The following RNF32 variants were observed in gnomAD, a reference collection of about 807,000 sequenced individuals.
RNF32 encodes the protein ring finger protein 32.
Under a neutral mutation model 41.0 loss-of-function variants are expected in RNF32, and 36 were observed. The observed-to-expected ratio is 0.88, with a 90% CI of 0.67 to 1.16. The LOEUF is 1.16. Ranked by LOEUF, RNF32 falls within the 50% of genes most tolerant of loss-of-function variation. RNF32 has a pLI of 0.00. For synonymous variants in RNF32, 154 were observed against 160.9 expected (o/e 0.96, Z 0.32); for missense variants, 413 against 436.7 (o/e 0.95, Z 0.48).
chr7:156,663,852 C>T (rs1800978300), intron 7 of RNF32, among the ~76,000 whole-genome samples: 1 of 152,182 alleles, frequency 6.6e-6, no homozygotes, highest in Non-Finnish European at 1.5e-5. Context: ...AAATTGAGTT[C>T]ATTCATCTGA....
chr7:156,657,637 A>G (rs970564388), intron 5 of RNF32, 64 bp downstream of exon 5: 6 of 1,515,074 alleles, frequency 4.0e-6, no homozygotes, highest in African/African-American at 2.7e-5. Context: ...CAGAGAAACC[A>G]TAGTCATTTT....
chr7:156,676,705 C>A lies in RNF32; in HGVS notation c.*50C>A, dbSNP rs762861581. On this transcript the variant is annotated 3_prime_UTR_variant, in exon 9 of 9. Coordinates refer to ENST00000317955, the MANE Select transcript of RNF32 (RefSeq NM_030936.4). ...AATTCTGAGGAAAAAAGTTTACCAT[C>A]ATTTTGGATGAACTGCATGAGTTCT... is the stretch of plus-strand genomic sequence containing the variant. 37 of 1,408,138 alleles carry A rather than the reference C, an allele frequency of 2.6e-5. No homozygotes were observed. In the South Asian group the frequency reaches 4.0e-4, roughly 15 times the overall value. 87.2% of individuals were successfully genotyped at this position (1,408,138 alleles called of 1,614,324 possible). A position where few individuals can be genotyped will look rare whatever the true frequency, so the allele number is the denominator to read the frequency against.
Position 156,655,313 on chromosome 7 carries a change from G to A in RNF32, c.417+595G>A, listed in dbSNP as rs970208387. 5.4e-5 allele frequency among the ~76,000 whole-genome samples: 8 copies of A among 149,502 alleles called. No homozygotes were observed. In the East Asian group the frequency reaches 5.9e-4, roughly 11 times the overall value. ...ATATATAGAGAGAGAGAGAGAGAAT[G>A]CATATAGGGTTTTTTCTATACATAT... On this transcript the variant is annotated intron_variant, in intron 4 of 8. Coordinates refer to ENST00000317955, the MANE Select transcript of RNF32 (RefSeq NM_030936.4).
chr7:156,658,008 G>T, intron 5 of RNF32, 120 bp from the exon 6 acceptor site: 1 of 998,480 alleles, frequency 1.0e-6, no homozygotes, highest in Non-Finnish European at 1.5e-6. Flanking sequence ...AACCTAAATT[G>T]GGCTAAGTCT....
intron 7 of RNF32, among the ~76,000 whole-genome samples, chr7:156,672,563 A>C (rs910406392): frequency 3.3e-5 from 5 of 152,192 alleles, no homozygotes; most frequent in African/African-American, 1.2e-4. Context: ...AGTCCTAATG[A>C]TGCTGTCTTT....
chr7:156,643,955 C>A, intron 2 of RNF32, 63 bp downstream of exon 2: 1 of 1,440,632 alleles, frequency 6.9e-7, no homozygotes, highest in Non-Finnish European at 9.7e-7. Flanking sequence ...TTAATTCAGC[C>A]ATTTGAGAGT....
intron 1 of RNF32, among the ~76,000 whole-genome samples, chr7:156,641,645 G>C (rs1438380575): frequency 1.3e-5 from 2 of 152,198 alleles, no homozygotes; most frequent in Non-Finnish European, 2.9e-5. Context: ...CTCTTACCTT[G>C]ATATTAATGA....
intron 3 of RNF32, among the ~76,000 whole-genome samples, chr7:156,652,512 T>C (rs974843904): frequency 4.6e-5 from 7 of 152,198 alleles, no homozygotes; most frequent in Admixed American, 2.0e-4. Flanking sequence ...TATATGTTTT[T>C]CTGTGAGATT....
At chr7:156,656,711 CTG>C (rs1799728537) in intron 4 of RNF32, among the ~76,000 whole-genome samples, 1 of 152,252 alleles carries the variant, frequency 6.6e-6, no homozygotes, top group African/African-American at 2.4e-5. Flanking sequence ...GTGCCCCAGA[CTG>C]TGGTCACCCA....
chr7:156,649,203 T>TG (rs1206375565), intron 3 of RNF32, among the ~76,000 whole-genome samples: 2 of 152,144 alleles, frequency 1.3e-5, no homozygotes, highest in East Asian at 3.8e-4. Flanking sequence ...AAAATTCTGC[T>TG]GGAGATTTTT....
intron 8 of RNF32, 156 bp from the exon 9 acceptor site, chr7:156,676,263 A>G: frequency 6.5e-7 from 1 of 1,547,412 alleles, no homozygotes; most frequent in Non-Finnish European, 8.7e-7. Context: ...ATATGTATAT[A>G]TATAAATAAA....
rs1400861796 is a variant in RNF32, at chr7:156,669,136, C to T, written c.685-6560C>T. The T allele has an allele frequency of 6.6e-6, 1 of 152,128 alleles. No homozygotes were observed. Among genetic ancestry groups the T allele is most frequent in the Non-Finnish European group, 1.5e-5 (1 of 68,032 alleles). 9.4% of individuals were successfully genotyped at this position (152,128 alleles called of 1,614,324 possible). ...ACTTGGAGTTGTGTACTTTGTGAGCCTTCATTGTAAAGGGTGTGCTGACCA... is the reference window on the plus strand; with the variant it reads ...ACTTGGAGTTGTGTACTTTGTGAGCTTTCATTGTAAAGGGTGTGCTGACCA... On this transcript the variant is annotated intron_variant, in intron 7 of 8. Coordinates refer to ENST00000317955, the MANE Select transcript of RNF32 (RefSeq NM_030936.4). This position sits in a 1 kb window ranked among gnomAD's most constrained non-coding sequence, Gnocchi z 4.2.
At chr7:156,657,678 T>A (rs1799932981) in intron 5 of RNF32, 105 bp downstream of exon 5, 1 of 1,010,990 alleles carries the variant, frequency 9.9e-7, no homozygotes, top group African/African-American at 1.6e-5. Context: ...ATTTATTTTA[T>A]TCATCACCAC....
chr7:156,655,659 G>T (rs1286865354), intron 4 of RNF32, among the ~76,000 whole-genome samples: 1 of 152,158 alleles, frequency 6.6e-6, no homozygotes, highest in South Asian at 2.1e-4. Flanking sequence ...TCACTAATTT[G>T]AATTCATAAG....
At position 156,670,860 on chromosome 7, in the gene RNF32, A is replaced by G. The variant is rs1296660584; in HGVS notation, c.685-4836A>G. 6.6e-6 allele frequency among the ~76,000 whole-genome samples: 1 copy of G among 152,212 alleles called. No homozygotes were observed. The highest frequency in any genetic ancestry group is 1.9e-4 in the East Asian group (1 of 5,202). ...AAGGATGCCTTGCATGAGGAAGGAA[A>G]ATGGCCCCAGACGGGAAATCTGAGA... is the stretch of plus-strand genomic sequence containing the variant. On this transcript the variant is annotated intron_variant, in intron 7 of 8. Coordinates refer to ENST00000317955, the MANE Select transcript of RNF32 (RefSeq NM_030936.4). The surrounding 1 kb of genome is among the most constrained non-coding windows in gnomAD (Gnocchi z 4.3).
Position 156,658,178 on chromosome 7 carries a change from C to A in RNF32, c.501C>A (p.Leu167=). ...TCACAAATAAGAAAACCTGTCCTCT[C>A]TGTAGAAAGAACCAGTATCAAACCC... The part of the protein sequence containing the change: ...EKFTNKKTCP[L]CRKNQYQTRV... The change falls in exon 6 of 9, where the codon CTC becomes CTA. Residue 167 remains leucine (L), a synonymous_variant. Coordinates refer to ENST00000317955, the MANE Select transcript of RNF32 (RefSeq NM_030936.4). 1 of 1,614,124 alleles carries A rather than the reference C, an allele frequency of 6.2e-7. No individual in the cohort carries two copies. The highest frequency in any genetic ancestry group is 8.5e-7 in the Non-Finnish European group (1 of 1,179,948).
At chr7:156,653,519 C>G (rs1232325133) in intron 3 of RNF32, among the ~76,000 whole-genome samples, 1 of 152,306 alleles carries the variant, frequency 6.6e-6, no homozygotes, top group South Asian at 2.1e-4. Context: ...TTTCTGTACT[C>G]GAAAGTGTCC....
Position 156,640,791 on chromosome 7 carries a change from G to A in RNF32, c.-98G>A, listed in dbSNP as rs1797177904. ...AAAGGGGCAGACGTCCCTGGGTTCC[G>A]GTGTTCGCGGAGGAGTCGAGGCACG... On this transcript the variant is annotated 5_prime_UTR_variant, in exon 1 of 9. Coordinates refer to ENST00000317955, the MANE Select transcript of RNF32 (RefSeq NM_030936.4). The A allele has an allele frequency of 1.2e-5, 3 of 243,908 alleles. No homozygotes were observed. The highest frequency in any genetic ancestry group is 1.1e-4 in the South Asian group (3 of 27,674). The allele number at this position is 243,908 out of a possible 1,614,324, so 15.1% of individuals were successfully genotyped here.
Position 156,676,000 on chromosome 7 carries a change from G to T in RNF32, c.852+137G>T, listed in dbSNP as rs1274617589. On this transcript the variant is annotated intron_variant, in intron 8 of 8. Coordinates refer to ENST00000317955, the MANE Select transcript of RNF32 (RefSeq NM_030936.4). ...TCAGGCCCGGGGTGCAGCCGTGGAGGCTGTGGGGGTGGCATGTCGGGGGAG... is the reference window on the plus strand; with the variant it reads ...TCAGGCCCGGGGTGCAGCCGTGGAGTCTGTGGGGGTGGCATGTCGGGGGAG... 9 of 929,298 alleles carry T rather than the reference G, an allele frequency of 9.7e-6. No homozygotes were observed. The East Asian group carries it at 2.3e-4, about 24-fold the overall frequency. 57.6% of individuals were successfully genotyped at this position (929,298 alleles called of 1,614,324 possible).
Sources: gnomAD v4.1 joint callset for allele counts (sites outside exome capture counted in the v4.1 genomes callset) on GRCh38, gnomAD v4.1.1 for gene constraint, Gnocchi (gnomAD v3.1) non-coding constraint, MANE v1.5 for transcripts, NCBI Gene and HGNC (gene_info 2026-07-23, HGNC 2026-07-21) for gene names.